The following WDR72 variants were observed in gnomAD, a reference collection of about 807,000 sequenced individuals.
WDR72 encodes the protein WD repeat domain 72.
WDR72 carries 120 observed loss-of-function variants against 124.2 expected under a neutral mutation model. The ratio of observed to expected loss-of-function variants is 0.97; its 90% CI spans 0.83 to 1.12. The LOEUF (loss-of-function observed/expected upper bound fraction) is 1.12. Ranked by LOEUF, WDR72 falls within the 50% of genes most tolerant of loss-of-function variation. The pLI is 0.00. For synonymous variants in WDR72, 452 were observed against 441.7 expected (o/e 1.02, Z -0.29); for missense variants, 1,387 against 1,278.8 (o/e 1.08, Z -1.29).
chr15:53,580,406 T>G (rs1325821201), intron 18 of WDR72, among the ~76,000 whole-genome samples: 2 of 152,064 alleles, frequency 1.3e-5, no homozygotes, highest in African/African-American at 2.4e-5. Context: ...GAAATTTTAG[T>G]GAAAAGAATT....
intron 16 of WDR72, 138 bp from the exon 17 acceptor site, chr15:53,609,730 A>T: frequency 2.7e-6 from 2 of 734,868 alleles, no homozygotes; most frequent in South Asian, 3.0e-5. Flanking sequence ...TCTTCCAGAG[A>T]TTTTTATTTT....
At chr15:53,519,950 A>AAC (rs1891693859) in intron 19 of WDR72, among the ~76,000 whole-genome samples, 2 of 152,136 alleles carry the variant, frequency 1.3e-5, no homozygotes, top group Non-Finnish European at 2.9e-5. Flanking sequence ...TTCAGAGGTA[A>AAC]TACACGAAGT....
At chr15:53,518,489 T>C (rs1316612443) in intron 19 of WDR72, among the ~76,000 whole-genome samples, 1 of 152,038 alleles carries the variant, frequency 6.6e-6, no homozygotes, top group Non-Finnish European at 1.5e-5. Flanking sequence ...GAATTTTGCT[T>C]TTGGGTAAAT....
At chr15:53,619,767 T>A (rs2013915046) in intron 14 of WDR72, among the ~76,000 whole-genome samples, 1 of 152,062 alleles carries the variant, frequency 6.6e-6, no homozygotes, top group Admixed American at 6.6e-5. Context: ...CTCCAACCTG[T>A]CTGGAATTGT....
At chr15:53,595,079 C>A (rs1318156738) in intron 18 of WDR72, among the ~76,000 whole-genome samples, 1 of 151,914 alleles carries the variant, frequency 6.6e-6, no homozygotes, top group Non-Finnish European at 1.5e-5. Context: ...TGTTCTTGTT[C>A]TTTTAAATAA....
At chr15:53,717,164 C>T (rs2017737596) in intron 3 of WDR72, among the ~76,000 whole-genome samples, 1 of 152,070 alleles carries the variant, frequency 6.6e-6, no homozygotes, top group African/African-American at 2.4e-5. Flanking sequence ...ATCTCTGCTT[C>T]TCCTGATTTG....
chr15:53,752,492 C>G (rs2018798991), intron 1 of WDR72, among the ~76,000 whole-genome samples: 1 of 152,096 alleles, frequency 6.6e-6, no homozygotes, highest in African/African-American at 2.4e-5. Context: ...TTCTGCAGGC[C>G]AAGGAACACC....
intron 14 of WDR72, among the ~76,000 whole-genome samples, chr15:53,647,833 G>A (rs1471491581): frequency 6.6e-6 from 1 of 152,030 alleles, no homozygotes; most frequent in African/African-American, 2.4e-5. Context: ...TATATACATG[G>A]ACAGACAGGT....
intron 18 of WDR72, among the ~76,000 whole-genome samples, chr15:53,551,010 T>C (rs919477168): frequency 6.6e-6 from 1 of 152,116 alleles, no homozygotes; most frequent in Non-Finnish European, 1.5e-5. Flanking sequence ...CTAATGAAGC[T>C]TGGAGGTCAA....
At chr15:53,605,626 G>T (rs976361021) in intron 17 of WDR72, among the ~76,000 whole-genome samples, 5 of 152,268 alleles carry the variant, frequency 3.3e-5, no homozygotes, top group African/African-American at 9.6e-5. Flanking sequence ...AGGCCAAGGC[G>T]GGGGGATCAT....
chr15:53,524,749 T>C (rs1374442355), intron 18 of WDR72, among the ~76,000 whole-genome samples: 1 of 152,124 alleles, frequency 6.6e-6, no homozygotes, highest in Admixed American at 6.6e-5. Context: ...AAAACCTTTT[T>C]TGGGAACAAA....
At chr15:53,677,288 C>T (rs1324623504) in intron 13 of WDR72, among the ~76,000 whole-genome samples, 2 of 152,144 alleles carry the variant, frequency 1.3e-5, no homozygotes, top group African/African-American at 2.4e-5. Flanking sequence ...AGTGTGATGG[C>T]TAGTTAGACA....
At position 53,712,326 on chromosome 15, in the gene WDR72, A is replaced by G. The variant is rs920641871; in HGVS notation, c.711+446T>C. ...AAAACTGATATGTCAGGCCGTGTCC[A>G]GTGGCTCACGCCTGTAATCCCAGCA... On this transcript the variant is annotated intron_variant, in intron 7 of 19. Transcript: ENST00000360509. Among the ~76,000 whole-genome samples, 12 of 152,190 alleles carry G rather than the reference A, an allele frequency of 7.9e-5. 1 individual carries two copies. The highest frequency in any genetic ancestry group is 6.5e-4 in the Admixed American group (10 of 15,272).
chr15:53,634,213 C>G (rs1033776267), intron 14 of WDR72, among the ~76,000 whole-genome samples: 7 of 152,160 alleles, frequency 4.6e-5, no homozygotes, highest in African/African-American at 1.7e-4. Flanking sequence ...GGAAGGTAGA[C>G]AGAAGCCTGC....
At chr15:53,701,997 C>T (rs998668719) in intron 12 of WDR72, 137 bp downstream of exon 12, 1 of 555,756 alleles carries the variant, frequency 1.8e-6, no homozygotes, top group Non-Finnish European at 3.0e-6. Context: ...TATGAATCAT[C>T]CAGTTGTATT....
At chr15:53,624,502 C>T (rs531371256) in intron 14 of WDR72, among the ~76,000 whole-genome samples, 48 of 152,310 alleles carry the variant, frequency 3.2e-4, no homozygotes, top group African/African-American at 1.2e-3. Context: ...ATGATTCGAG[C>T]AATATTTCTT....
At chr15:53,606,945 T>C (rs1316923496) in intron 17 of WDR72, among the ~76,000 whole-genome samples, 1 of 152,176 alleles carries the variant, frequency 6.6e-6, no homozygotes, top group Non-Finnish European at 1.5e-5. Flanking sequence ...TATTTAGTAT[T>C]ATAGCATCAG....
chr15:53,570,365 G>A (rs1894473020), intron 18 of WDR72, among the ~76,000 whole-genome samples: 1 of 151,288 alleles, frequency 6.6e-6, no homozygotes, highest in Non-Finnish European at 1.5e-5. Flanking sequence ...TGTACAATAG[G>A]TACCTGGAGA....
intron 18 of WDR72, among the ~76,000 whole-genome samples, chr15:53,575,556 A>G (rs914842456): frequency 6.6e-6 from 1 of 152,156 alleles, no homozygotes; most frequent in Non-Finnish European, 1.5e-5. Context: ...CAATGGTATA[A>G]CCTGAGTCTG....
Sources: gnomAD v4.1 joint callset for allele counts (sites outside exome capture counted in the v4.1 genomes callset) on GRCh38, gnomAD v4.1.1 for gene constraint, MANE v1.5 for transcripts, NCBI Gene and HGNC (gene_info 2026-07-23, HGNC 2026-07-21) for gene names.